The following CNTN6 variants were observed in gnomAD, a reference collection of about 807,000 sequenced individuals.
CNTN6 encodes the protein contactin-6.
In CNTN6, 137 loss-of-function variants were observed where a neutral mutation model predicts 122.8. That is an observed-to-expected ratio of 1.12 (90% CI 0.97 to 1.29). CNTN6 has a LOEUF of 1.29. CNTN6 is among the 50% of genes most tolerant of loss of function. The pLI is 0.00. For missense variants in CNTN6, 1,634 were observed against 1,223.4 expected, an observed-to-expected ratio of 1.34 and a Z score of -5.01; for synonymous variants, 570 against 426.0, an observed-to-expected ratio of 1.34 and a Z score of -4.16.
chr3:1,111,265 T>A (rs961354327), intron 1 of CNTN6, among the ~76,000 whole-genome samples: 2 of 152,190 alleles, frequency 1.3e-5, no homozygotes, highest in African/African-American at 4.8e-5. Flanking sequence ...TTCTATTGTC[T>A]ACGCATTATA....
intron 2 of CNTN6, among the ~76,000 whole-genome samples, chr3:1,163,472 C>T (rs566182878): frequency 6.6e-6 from 1 of 152,272 alleles, no homozygotes; most frequent in African/African-American, 2.4e-5. Context: ...AGTGCAGTGA[C>T]GCGATCATAG....
At chr3:1,253,275 G>A (rs1377917745) in intron 4 of CNTN6, among the ~76,000 whole-genome samples, 3 of 152,128 alleles carry the variant, frequency 2.0e-5, no homozygotes, top group Admixed American at 6.6e-5. Flanking sequence ...AAGAAGAAAC[G>A]CATACATTTT....
rs4065527 is a variant in CNTN6 at position 1,239,428 on chromosome 3, A to AAAACAAAC, written c.358+11445_358+11452dup. On this transcript the variant is annotated intron_variant, in intron 4 of 22. Transcript: ENST00000446702. ...CTCCACCCCTTTCACAATATCTGCAAAAACAAACAAACAAACACTTAGGAA... is the reference window on the plus strand; with the variant it reads ...CTCCACCCCTTTCACAATATCTGCAAAAACAAACAAACAAACAAACAAACACTTAGGAA... Among the ~76,000 whole-genome samples the AAAACAAAC allele has an allele frequency of 2.9e-3, 444 of 151,790 alleles. 1 individual carries two copies. Among genetic ancestry groups the AAAACAAAC allele is most frequent in the Non-Finnish European group, 5.5e-3 (375 of 67,932 alleles).
At chr3:1,148,179 T>A in intron 2 of CNTN6, 116 bp downstream of exon 2, 1 of 760,478 alleles carries the variant, frequency 1.3e-6, no homozygotes, top group Non-Finnish European at 2.2e-6. Context: ...AATGACTAAG[T>A]GATAATGTTT....
chr3:1,336,212 G>C (rs1477222614), intron 11 of CNTN6, among the ~76,000 whole-genome samples: 1 of 151,730 alleles, frequency 6.6e-6, no homozygotes, highest in Non-Finnish European at 1.5e-5. Context: ...GTCAGAAAAA[G>C]TCTCATTAAT....
At position 1,247,611 on chromosome 3, in the gene CNTN6, A is replaced by G. The variant is rs949598597; in HGVS notation, c.358+19618A>G. 4.6e-5 allele frequency among the ~76,000 whole-genome samples: 7 copies of G among 152,310 alleles called. No individual in the cohort carries two copies. In the East Asian group the frequency reaches 1.4e-3, roughly 29 times the overall value. On this transcript the variant is annotated intron_variant, in intron 4 of 22. Transcript: ENST00000446702. Reference sequence around the variant, plus strand: ...TAGTGACCAAGGCAAAGAGCGGTACATATCTTTCATTGGATAAAAATATAA... The same window carrying G: ...TAGTGACCAAGGCAAAGAGCGGTACGTATCTTTCATTGGATAAAAATATAA...
In CNTN6 at chr3:1,237,074, C is replaced by CT. The variant is rs547026940; in HGVS notation, c.358+9082dup. Among the ~76,000 whole-genome samples the CT allele has an allele frequency of 7.9e-5, 12 of 151,348 alleles. No homozygotes were observed. In the East Asian group the frequency reaches 2.1e-3, roughly 27 times the overall value. ...CCAGCCTGGGCAACAGTGCGAGACT[C>CT]TGTTTCAAAAAGAAAAAAAAAGAAG... On this transcript the variant is annotated intron_variant, in intron 4 of 22. Coordinates refer to ENST00000446702, the MANE Select transcript of CNTN6 (RefSeq NM_001289080.2).
At chr3:1,253,397 A>T (rs1480387349) in intron 4 of CNTN6, among the ~76,000 whole-genome samples, 7 of 152,266 alleles carry the variant, frequency 4.6e-5, no homozygotes, top group Middle Eastern at 3.4e-3. Context: ...ATTGGTGTTT[A>T]TATACTCTAT....
chr3:1,161,671 A>G (rs2125247974), intron 2 of CNTN6, among the ~76,000 whole-genome samples: 1 of 151,728 alleles, frequency 6.6e-6, no homozygotes, highest in East Asian at 1.9e-4. Flanking sequence ...TAGTGGAAGT[A>G]TGCCATGTTT....
chr3:1,275,702 C>T (rs1281352882), intron 4 of CNTN6, among the ~76,000 whole-genome samples: 1 of 152,164 alleles, frequency 6.6e-6, no homozygotes, highest in Non-Finnish European at 1.5e-5. Context: ...GATCATCAGG[C>T]ATTAGGTTAT....
At chr3:1,394,216 G>A (rs187870208) in intron 20 of CNTN6, 2 of 239,126 alleles carry the variant, frequency 8.4e-6, no homozygotes, top group South Asian at 8.9e-5. Context: ...ATCTCCGGAA[G>A]CTTCCGCACC....
chr3:1,285,182 C>A (rs910218744), intron 5 of CNTN6, among the ~76,000 whole-genome samples: 3 of 152,080 alleles, frequency 2.0e-5, no homozygotes, highest in African/African-American at 7.2e-5. Context: ...AATTACCAGT[C>A]TTCAGTATGT....
rs936789949 is a variant in CNTN6 at position 1,199,826 on chromosome 3, T to C, written c.56-20861T>C. Among the ~76,000 whole-genome samples the C allele has an allele frequency of 2.0e-5, 3 of 152,206 alleles. 1 individual carries two copies. Among genetic ancestry groups the C allele is most frequent in the Non-Finnish European group, 4.4e-5 (3 of 68,030 alleles). On this transcript the variant is annotated intron_variant, in intron 2 of 22. Coordinates refer to ENST00000446702, the MANE Select transcript of CNTN6 (RefSeq NM_001289080.2). Reference sequence around the variant, plus strand: ...AAGTACTTGCCACTTGTGAATCATTTTGGCGTTTGCAAAAACTTTCTTAAA... The same window carrying C: ...AAGTACTTGCCACTTGTGAATCATTCTGGCGTTTGCAAAAACTTTCTTAAA...
At chr3:1,165,518 A>G (rs1248493139) in intron 2 of CNTN6, among the ~76,000 whole-genome samples, 2 of 151,964 alleles carry the variant, frequency 1.3e-5, no homozygotes, top group South Asian at 2.1e-4. Context: ...CTTTTTTCCT[A>G]CCTTTCTTCT....
At chr3:1,216,315 T>C (rs1036253813) in intron 2 of CNTN6, among the ~76,000 whole-genome samples, 9 of 152,190 alleles carry the variant, frequency 5.9e-5, no homozygotes, top group Non-Finnish European at 2.9e-5. Context: ...GTAAATCCTA[T>C]AGGGTGTGAG....
At chr3:1,365,523 A>G (rs1367109309) in intron 12 of CNTN6, among the ~76,000 whole-genome samples, 1 of 152,014 alleles carries the variant, frequency 6.6e-6, no homozygotes. Context: ...ATTTCCGGAC[A>G]TTGTTTCTCA....
intron 2 of CNTN6, among the ~76,000 whole-genome samples, chr3:1,158,851 T>TATATATACATACATATATATACAC: frequency 1.2e-5 from 1 of 83,904 alleles, no homozygotes; most frequent in Non-Finnish European, 2.2e-5. Context: ...TATATATACA[T>TATATATACATACATATATATACAC]ACATATATAT....
At chr3:1,272,991 T>C (rs1464829096) in intron 4 of CNTN6, among the ~76,000 whole-genome samples, 3 of 152,198 alleles carry the variant, frequency 2.0e-5, no homozygotes, top group Non-Finnish European at 4.4e-5. Context: ...AGTAATTCTT[T>C]AAAGCTCATT....
At chr3:1,093,876 A>G (rs1034437409) in intron 1 of CNTN6, among the ~76,000 whole-genome samples, 2 of 152,162 alleles carry the variant, frequency 1.3e-5, no homozygotes, top group Non-Finnish European at 2.9e-5. Context: ...ATACTGTAAC[A>G]TTGGGGTTTG....
Sources: gnomAD v4.1 joint callset for allele counts (sites outside exome capture counted in the v4.1 genomes callset) on GRCh38, gnomAD v4.1.1 for gene constraint, MANE v1.5 for transcripts, NCBI Gene and HGNC (gene_info 2026-07-23, HGNC 2026-07-21) for gene names.